Variants in PLAGL1 observed in about 807,000 individuals in gnomAD.
The protein encoded by PLAGL1 is zinc finger protein PLAGL1.
In PLAGL1, 1 loss-of-function variant was observed where a neutral mutation model predicts 4.6. The ratio of observed to expected loss-of-function variants is 0.22; its 90% CI spans 0.08 to 1.03. The LOEUF is 1.03. Ranked by LOEUF, PLAGL1 falls within the 50% of genes least tolerant of loss-of-function variation. PLAGL1 has a pLI of 0.58. For synonymous variants in PLAGL1, 240 were observed against 237.8 expected (o/e 1.01, Z -0.08); for missense variants, 464 against 570.4 (o/e 0.81, Z 1.90).
At chr6:143,996,184 C>T (rs1791573343) in intron 1 of PLAGL1, among the ~76,000 whole-genome samples, 1 of 152,164 alleles carries the variant, frequency 6.6e-6, no homozygotes, top group Admixed American at 6.5e-5. Flanking sequence ...AAGGTCTGGA[C>T]ATTTCTCTCA....
intron 1 of PLAGL1, among the ~76,000 whole-genome samples, chr6:144,044,110 GATCTT>G (rs1028461621): frequency 3.3e-5 from 5 of 151,730 alleles, no homozygotes; most frequent in Non-Finnish European, 5.9e-5. Flanking sequence ...CAATTTTGTC[GATCTT>G]TTCAAAAACC....
Position 144,005,632 on chromosome 6 carries a change from T to C in PLAGL1, c.-584+2458A>G, listed in dbSNP as rs1036595917. The stretch of plus-strand genomic sequence containing the variant: ...AGAATACATTTCATTAATAGTAGAG[T>C]ATCTTAAGACAAAAAGCATAAGGAT... On this transcript the variant is annotated intron_variant, in intron 1 of 7. Transcript: ENST00000674357. The surrounding 1 kb of genome is among the most constrained non-coding windows in gnomAD (Gnocchi z 4.6). The C allele has an allele frequency of 1.3e-5, 2 of 152,108 alleles. No homozygotes were observed. Among genetic ancestry groups the C allele is most frequent in the Non-Finnish European group, 2.9e-5 (2 of 68,008 alleles). The allele number at this position is 152,108 out of a possible 1,614,324, so 9.4% of individuals were successfully genotyped here.
At chr6:143,977,688 C>A (rs1349243144) in intron 2 of PLAGL1, among the ~76,000 whole-genome samples, 1 of 151,782 alleles carries the variant, frequency 6.6e-6, no homozygotes, top group African/African-American at 2.4e-5. Context: ...TTAGTAGAGA[C>A]ACAGTTTCAC....
chr6:143,974,701 G>A (rs1006510621), intron 2 of PLAGL1, among the ~76,000 whole-genome samples: 2 of 152,134 alleles, frequency 1.3e-5, no homozygotes, highest in Non-Finnish European at 2.9e-5. Context: ...CCAAAATCAC[G>A]ACAGAAATAT....
Position 143,941,867 on chromosome 6 carries a change from G to A in PLAGL1, c.949C>T (p.Pro317Ser). The change falls in exon 8 of 8, where the codon CCC becomes TCC. Residue 317 changes from proline to serine, a missense_variant. Coordinates refer to ENST00000674357, the MANE Select transcript of PLAGL1 (RefSeq NM_001317162.2). This position sits in a 1 kb window ranked among gnomAD's most constrained non-coding sequence, Gnocchi z 6.0. ...STSYSPLASL[P>S]LKADTKGFCN... ...AAACCTTTAGTATCTGCTTTGAGGGGCAGGCTTGCAAGTGGGGAGTATGAG... is the reference window on the plus strand; with the variant it reads ...AAACCTTTAGTATCTGCTTTGAGGGACAGGCTTGCAAGTGGGGAGTATGAG... 6.2e-7 allele frequency: 1 copy of A among 1,614,104 alleles called. No homozygotes were observed. The highest frequency in any genetic ancestry group is 8.5e-7 in the Non-Finnish European group (1 of 1,179,984).
chr6:144,049,742 G>C (rs1382336168), intron 1 of PLAGL1, among the ~76,000 whole-genome samples: 1 of 152,174 alleles, frequency 6.6e-6, no homozygotes, highest in African/African-American at 2.4e-5. Context: ...TGAGATTTGG[G>C]TGGGGACACA....
In PLAGL1 at chr6:143,979,971, T is replaced by C. The variant is rs2128603805; in HGVS notation, c.-544+5164A>G. ...AAAGTGCTTGCATGTTTCACCTTTT[T>C]TGAAAGATATTGTCACAACTATAGA... On this transcript the variant is annotated intron_variant, in intron 2 of 7. Coordinates refer to ENST00000674357, the MANE Select transcript of PLAGL1 (RefSeq NM_001317162.2). The surrounding 1 kb of genome is among the most constrained non-coding windows in gnomAD (Gnocchi z 4.6). 6.6e-6 allele frequency among the ~76,000 whole-genome samples: 1 copy of C among 152,272 alleles called. No individual in the cohort carries two copies. Among genetic ancestry groups the C allele is most frequent in the African/African-American group, 2.4e-5 (1 of 41,584 alleles).
chr6:143,991,888 TAGTGGGCAG>T (rs1790552432), intron 1 of PLAGL1, among the ~76,000 whole-genome samples: 1 of 152,126 alleles, frequency 6.6e-6, no homozygotes. Flanking sequence ...GATGTGGACA[TAGTGGGCAG>T]AGTGATCCCA....
chr6:144,050,766 A>C lies in PLAGL1; in HGVS notation c.-151+13702T>G, dbSNP rs531296186. Among the ~76,000 whole-genome samples, 6 of 152,266 alleles carry C rather than the reference A, an allele frequency of 3.9e-5. No homozygotes were observed. In the South Asian group the frequency reaches 8.3e-4, roughly 21 times the overall value. ...TTTTAAGTAAATCAGGTGTGGTGGC[A>C]CATGCCTGTTGTCCCAGCTACTCAA... On this transcript the variant is annotated intron_variant, in intron 1 of 3. Coordinates refer to the PLAGL1 transcript ENST00000437412. The surrounding 1 kb of genome is among the most constrained non-coding windows in gnomAD (Gnocchi z 4.3).
rs1386872263 is a variant in PLAGL1 at position 144,056,564 on chromosome 6, T to C, written c.-151+7904A>G. On this transcript the variant is annotated intron_variant, in intron 1 of 3. Transcript: ENST00000437412. The surrounding 1 kb of genome is among the most constrained non-coding windows in gnomAD (Gnocchi z 4.7). ...CTCCATAGTTCTGCCTTCTCTAGAA[T>C]GTCATACAGTAGGTAGCCCTTTCAG... Among the ~76,000 whole-genome samples, 1 of 152,262 alleles carries C rather than the reference T, an allele frequency of 6.6e-6. No homozygotes were observed. Among genetic ancestry groups the C allele is most frequent in the Non-Finnish European group, 1.5e-5 (1 of 68,046 alleles).
chr6:143,943,994 C>CA (rs1389709524), intron 7 of PLAGL1, among the ~76,000 whole-genome samples: 2 of 152,172 alleles, frequency 1.3e-5, no homozygotes, highest in Non-Finnish European at 2.9e-5. Context: ...CAGAGCATTA[C>CA]ATGTTAGCAT....
chr6:143,981,883 C>A (rs1412372142), intron 2 of PLAGL1, among the ~76,000 whole-genome samples: 3 of 152,156 alleles, frequency 2.0e-5, no homozygotes, highest in African/African-American at 7.2e-5. Context: ...ACTATAGCAT[C>A]CCTTTCCCCA....
Position 143,962,649 on chromosome 6 carries a change from T to C in PLAGL1, c.-398-2107A>G, listed in dbSNP as rs1032912847. Among the ~76,000 whole-genome samples the C allele has an allele frequency of 1.3e-5, 2 of 152,258 alleles. No homozygotes were observed. The highest frequency in any genetic ancestry group is 3.8e-4 in the East Asian group (2 of 5,206). On this transcript the variant is annotated intron_variant, in intron 5 of 7. Coordinates refer to ENST00000674357, the MANE Select transcript of PLAGL1 (RefSeq NM_001317162.2). This position sits in a 1 kb window ranked among gnomAD's most constrained non-coding sequence, Gnocchi z 5.3. ...AGAACAGCATTTAAGAACCCGTCTT[T>C]TTCTCTCTTAATGAACTGGTTTAGC...
intron 1 of PLAGL1, among the ~76,000 whole-genome samples, chr6:144,047,845 C>T (rs2128722211): frequency 6.6e-6 from 1 of 152,264 alleles, no homozygotes; most frequent in East Asian, 1.9e-4. Context: ...CAACAGTTCC[C>T]CAAAGCCTTC....
intron 1 of PLAGL1, among the ~76,000 whole-genome samples, chr6:143,993,331 A>AACACACACACACACACAC (rs746624620): frequency 2.4e-4 from 34 of 142,336 alleles, no homozygotes; most frequent in South Asian, 9.2e-4. Context: ...AACAAAACAA[A>AACACACACACACACACAC]ACACACACAC....
chr6:144,023,808 GT>G (rs1796144376), intron 1 of PLAGL1, among the ~76,000 whole-genome samples: 1 of 67,826 alleles, frequency 1.5e-5, no homozygotes, highest in Admixed American at 2.4e-4. Flanking sequence ...ACAGAGTCTT[GT>G]TCTGTTGCCC....
rs1422270734 is a variant in PLAGL1 at position 143,941,171 on chromosome 6, A to ATGTT, written c.*249_*252dup. 3 of 332,288 alleles carry ATGTT rather than the reference A, an allele frequency of 9.0e-6. No individual in the cohort carries two copies. The highest frequency in any genetic ancestry group is 4.8e-5 in the East Asian group (1 of 21,044). 20.6% of individuals were successfully genotyped at this position (332,288 alleles called of 1,614,324 possible). On this transcript the variant is annotated 3_prime_UTR_variant, in exon 8 of 8. Coordinates refer to ENST00000674357, the MANE Select transcript of PLAGL1 (RefSeq NM_001317162.2). The surrounding 1 kb of genome is among the most constrained non-coding windows in gnomAD (Gnocchi z 6.0). ...TTATATATAGCAGCCGTCATTTTGG[A>ATGTT]TGTTGGTTATGACAATATTTGCAGT...
At chr6:144,010,023 G>T (rs1795044149), upstream of PLAGL1, among the ~76,000 whole-genome samples, 1 of 152,000 alleles carries the variant, frequency 6.6e-6, no homozygotes, top group Non-Finnish European at 1.5e-5. This position sits in a 1 kb window ranked among gnomAD's most constrained non-coding sequence, Gnocchi z 4.1. Flanking sequence ...TAATTCTTTG[G>T]GTATATACCC....
At position 144,016,547 on chromosome 6, in the gene PLAGL1, A is replaced by T. The variant is rs1795580802; in HGVS notation, c.-150-47569T>A. On this transcript the variant is annotated intron_variant, in intron 1 of 3. Coordinates refer to the PLAGL1 transcript ENST00000437412. The surrounding 1 kb of genome is among the most constrained non-coding windows in gnomAD (Gnocchi z 4.2). ...ATGTAAACGACACATGGTCCCATTC[A>T]TAGGAAATTTTAGAAACACAAAATT... Among the ~76,000 whole-genome samples the T allele has an allele frequency of 6.6e-6, 1 of 152,210 alleles. No homozygotes were observed. The highest frequency in any genetic ancestry group is 1.5e-5 in the Non-Finnish European group (1 of 68,026).
Sources: gnomAD v4.1 joint callset for allele counts (sites outside exome capture counted in the v4.1 genomes callset) on GRCh38, gnomAD v4.1.1 for gene constraint, Gnocchi (gnomAD v3.1) non-coding constraint, MANE v1.5 for transcripts, NCBI Gene and HGNC (gene_info 2026-07-23, HGNC 2026-07-21) for gene names.